VRK2: variants seen among roughly 807,000 people sequenced by gnomAD.
VRK2 encodes the protein serine/threonine-protein kinase VRK2.
Under a neutral mutation model 57.6 loss-of-function variants are expected in VRK2, and 60 were observed. The ratio of observed to expected loss-of-function variants is 1.04; its 90% CI spans 0.85 to 1.29. VRK2 has a LOEUF of 1.29. Among genes scored for constraint, VRK2 ranks in the 50% most tolerant of loss-of-function variants. The probability of loss-of-function intolerance (pLI) is 0.00; values close to 1 mark genes in which losing one functional copy is unlikely to be tolerated. For synonymous variants in VRK2, 231 were observed against 199.2 expected, an observed-to-expected ratio of 1.16 and a Z score of -1.35; for missense variants, 705 against 588.1, an observed-to-expected ratio of 1.20 and a Z score of -2.06.
intron 1 of VRK2, among the ~76,000 whole-genome samples, chr2:57,909,372 G>A (rs774977812): frequency 6.6e-6 from 1 of 152,124 alleles, no homozygotes; most frequent in Non-Finnish European, 1.5e-5. Flanking sequence ...GCATCACTAT[G>A]GAGATTAAGT....
intron 12 of VRK2, among the ~76,000 whole-genome samples, chr2:58,158,429 C>T (rs1684348182): frequency 6.6e-6 from 1 of 152,026 alleles, no homozygotes; most frequent in South Asian, 2.1e-4. Flanking sequence ...GGACTCCTTT[C>T]TGACACTTCC....
intron 8 of VRK2, among the ~76,000 whole-genome samples, chr2:58,129,562 T>A (rs1678862615): frequency 6.6e-6 from 1 of 152,242 alleles, no homozygotes; most frequent in Admixed American, 6.5e-5. Flanking sequence ...CAGACTATAA[T>A]CAATTCTTTG....
At chr2:58,011,186 A>C (rs556775556) in intron 1 of VRK2, among the ~76,000 whole-genome samples, 1 of 152,230 alleles carries the variant, frequency 6.6e-6, no homozygotes, top group East Asian at 1.9e-4. Context: ...CTGAATTTGC[A>C]TTAAGAGCAG....
rs559654680 is a variant in VRK2 at position 58,116,389 on chromosome 2, G to C, written c.544-6712G>C. Among the ~76,000 whole-genome samples, 3 of 151,058 alleles carry C rather than the reference G, an allele frequency of 2.0e-5. No individual in the cohort carries two copies. The East Asian group carries it at 5.8e-4, about 29-fold the overall frequency. On this transcript the variant is annotated intron_variant, in intron 7 of 12. Transcript: ENST00000340157. ...GCAGATAATTTGGTTAAAATATCTC[G>C]GCCTAATAAGGGAACTGGGCAGGTG... is the stretch of plus-strand genomic sequence containing the variant.
intron 7 of VRK2, among the ~76,000 whole-genome samples, chr2:58,092,272 G>A (rs1672487059): frequency 6.6e-6 from 1 of 152,144 alleles, no homozygotes; most frequent in Non-Finnish European, 1.5e-5. Flanking sequence ...AAGTGGAATT[G>A]TAAGGTATGT....
intron 1 of VRK2, among the ~76,000 whole-genome samples, chr2:57,990,097 AG>A (rs1672716174): frequency 1.3e-5 from 2 of 152,196 alleles, no homozygotes; most frequent in Admixed American, 6.5e-5. Flanking sequence ...AAATAAAAAT[AG>A]GTCACATTGT....
chr2:58,114,782 A>C (rs1181913680), intron 7 of VRK2, among the ~76,000 whole-genome samples: 2 of 152,164 alleles, frequency 1.3e-5, no homozygotes, highest in Non-Finnish European at 2.9e-5. Context: ...GGGAAGGCTA[A>C]ACTGAGGAAT....
At chr2:58,105,005 A>G (rs553606451) in intron 7 of VRK2, among the ~76,000 whole-genome samples, 2 of 151,934 alleles carry the variant, frequency 1.3e-5, no homozygotes, top group Non-Finnish European at 2.9e-5. Context: ...TTGGATTGCC[A>G]TATACAGAAT....
chr2:58,149,061 T>G (rs982197207), intron 12 of VRK2, among the ~76,000 whole-genome samples: 2 of 151,814 alleles, frequency 1.3e-5, no homozygotes, highest in African/African-American at 4.8e-5. Context: ...GGGAGTACAT[T>G]AAGTGTAAAG....
intron 1 of VRK2, among the ~76,000 whole-genome samples, chr2:57,925,420 A>G (rs997384795): frequency 1.3e-5 from 2 of 152,156 alleles, no homozygotes; most frequent in Admixed American, 6.5e-5. Flanking sequence ...TTATGATTCA[A>G]TCTTGGTAGA....
At chr2:58,079,535 AAG>A (rs1488396247) in intron 2 of VRK2, among the ~76,000 whole-genome samples, 2 of 151,992 alleles carry the variant, frequency 1.3e-5, no homozygotes, top group African/African-American at 4.8e-5. Flanking sequence ...AGCTGCAGGA[AAG>A]AGCTGTATCA....
At chr2:57,980,082 G>A (rs943133202) in intron 1 of VRK2, among the ~76,000 whole-genome samples, 5 of 151,852 alleles carry the variant, frequency 3.3e-5, no homozygotes, top group African/African-American at 4.8e-5. Context: ...CTACCTTTGG[G>A]GTTGGTTTGC....
At chr2:58,084,416 C>G (rs1671329969) in intron 3 of VRK2, among the ~76,000 whole-genome samples, 5 of 151,744 alleles carry the variant, frequency 3.3e-5, no homozygotes, top group Admixed American at 3.3e-4. Context: ...TGGTAAGGTC[C>G]TTAAAGGCAA....
chr2:58,022,130 A>T (rs74896301), intron 1 of VRK2, among the ~76,000 whole-genome samples: 4,989 of 152,272 alleles, frequency 0.033, 124 homozygotes, highest in Admixed American at 0.05. Context: ...GAGTTTCCTA[A>T]TTATTGCAAT....
intron 1 of VRK2, among the ~76,000 whole-genome samples, chr2:57,958,838 T>G (rs1225513996): frequency 6.6e-6 from 1 of 152,166 alleles, no homozygotes; most frequent in Admixed American, 6.5e-5. Context: ...ACACTGATAT[T>G]TATTACTGGG....
intron 7 of VRK2, among the ~76,000 whole-genome samples, chr2:58,091,746 A>G (rs1192124104): frequency 2.0e-5 from 3 of 152,168 alleles, no homozygotes; most frequent in African/African-American, 2.4e-5. Context: ...GATGATCGAA[A>G]AGAATGAATA....
intron 1 of VRK2, among the ~76,000 whole-genome samples, chr2:57,932,223 C>T (rs1670751823): frequency 6.6e-6 from 1 of 151,958 alleles, no homozygotes; most frequent in African/African-American, 2.4e-5. Context: ...GTAAGATAAA[C>T]TAGTAGTGTT....
At chr2:57,913,435 T>C (rs1670052335) in intron 1 of VRK2, among the ~76,000 whole-genome samples, 3 of 152,216 alleles carry the variant, frequency 2.0e-5, no homozygotes, top group Admixed American at 2.0e-4. Context: ...CAATTTTTTT[T>C]ATTTGATAGG....
intron 1 of VRK2, among the ~76,000 whole-genome samples, chr2:58,023,602 A>C (rs750368129): frequency 3.4e-4 from 51 of 152,234 alleles, no homozygotes; most frequent in Non-Finnish European, 1.6e-4. Flanking sequence ...TTGCTAACAA[A>C]TTAAAATAAA....
Sources: gnomAD v4.1 joint callset for allele counts (sites outside exome capture counted in the v4.1 genomes callset) on GRCh38, gnomAD v4.1.1 for gene constraint, MANE v1.5 for transcripts, NCBI Gene and HGNC (gene_info 2026-07-23, HGNC 2026-07-21) for gene names.